The following ATG3 variants were observed in gnomAD, a reference collection of about 807,000 sequenced individuals.
ATG3 encodes the protein autophagy related 3, also known as ubiquitin-like-conjugating enzyme ATG3.
Under a neutral mutation model 50.7 loss-of-function variants are expected in ATG3, and 25 were observed. The ratio of observed to expected loss-of-function variants is 0.49; its 90% CI spans 0.36 to 0.69. The LOEUF (loss-of-function observed/expected upper bound fraction) is 0.69, where lower values mean the gene tolerates loss of function less well. ATG3 is among the 30% of genes least tolerant of loss of function. The pLI is 0.00. For missense variants in ATG3, 281 were observed against 376.0 expected (o/e 0.75, Z 2.09); for synonymous variants, 119 against 125.5 (o/e 0.95, Z 0.34).
chr3:112,551,255 A>T (rs1420336024), intron 3 of ATG3, among the ~76,000 whole-genome samples: 1 of 152,220 alleles, frequency 6.6e-6, no homozygotes, highest in African/African-American at 2.4e-5. Flanking sequence ...AAATGCCCTA[A>T]TATTATTTGA....
In ATG3 at chr3:112,548,445, T is replaced by A; in HGVS notation, c.343+88A>T. 1.5e-5 allele frequency: 17 copies of A among 1,143,542 alleles called. No individual in the cohort carries two copies. In the South Asian group the frequency reaches 2.2e-4, roughly 15 times the overall value. The allele number at this position is 1,143,542 out of a possible 1,614,324, so 70.8% of individuals were successfully genotyped here. ...TATTGGGACAAAACTATGCCTTATG[T>A]ATCCTCTTTTTTAAATCAAGGCTAT... On this transcript the variant is annotated intron_variant, in intron 5 of 11. Coordinates refer to ENST00000283290, the MANE Select transcript of ATG3 (RefSeq NM_022488.5).
intron 5 of ATG3, among the ~76,000 whole-genome samples, chr3:112,544,852 T>C (rs1348521701): frequency 1.3e-5 from 2 of 152,098 alleles, no homozygotes; most frequent in African/African-American, 4.8e-5. Context: ...CATAAATACT[T>C]ACTGGTCAAG....
At chr3:112,551,310 A>T (rs1933519754) in intron 3 of ATG3, among the ~76,000 whole-genome samples, 1 of 152,212 alleles carries the variant, frequency 6.6e-6, no homozygotes, top group Non-Finnish European at 1.5e-5. Flanking sequence ...GTCAAATTCA[A>T]CAATGTCATG....
chr3:112,544,501 A>G (rs993380173), intron 5 of ATG3, among the ~76,000 whole-genome samples: 16 of 152,036 alleles, frequency 1.1e-4, no homozygotes, highest in South Asian at 6.2e-4. Flanking sequence ...TAAAAATACA[A>G]AAGTTAGCTC....
At chr3:112,560,341 T>C (rs1277478479) in intron 1 of ATG3, among the ~76,000 whole-genome samples, 2 of 152,242 alleles carry the variant, frequency 1.3e-5, no homozygotes, top group South Asian at 4.1e-4. Flanking sequence ...AGTAAACAAA[T>C]GTAAGCAAAG....
At chr3:112,533,021 T>C (rs2082567213) in intron 11 of ATG3, 4 of 1,138,824 alleles carry the variant, frequency 3.5e-6, no homozygotes, top group African/African-American at 1.6e-5. Flanking sequence ...TAGGTGTTCA[T>C]ATAAGCACAA....
rs560922615 is a variant in ATG3 at position 112,549,062 on chromosome 3, C to T, written c.236-422G>A. On this transcript the variant is annotated intron_variant, in intron 4 of 11. Coordinates refer to ENST00000283290, the MANE Select transcript of ATG3 (RefSeq NM_022488.5). ...GGTGGTAAAGGTGAACTCTTGTTTTCAAGGCTAAAGTAACTTTCAATATAA... is the reference window on the plus strand; with the variant it reads ...GGTGGTAAAGGTGAACTCTTGTTTTTAAGGCTAAAGTAACTTTCAATATAA... Among the ~76,000 whole-genome samples, 4 of 152,310 alleles carry T rather than the reference C, an allele frequency of 2.6e-5. No homozygotes were observed. In the South Asian group the frequency reaches 8.3e-4, roughly 32 times the overall value.
At chr3:112,548,886 C>G (rs1933447744) in intron 4 of ATG3, among the ~76,000 whole-genome samples, 1 of 152,194 alleles carries the variant, frequency 6.6e-6, no homozygotes, top group Non-Finnish European at 1.5e-5. Flanking sequence ...TGGGAATGTT[C>G]TATGCATTCC....
At chr3:112,545,588 A>G (rs752125798) in intron 5 of ATG3, among the ~76,000 whole-genome samples, 8 of 152,256 alleles carry the variant, frequency 5.3e-5, no homozygotes, top group Non-Finnish European at 1.0e-4. Flanking sequence ...AAATTACTAT[A>G]TAATAGGTAT....
At chr3:112,554,520 T>A (rs375994835) in intron 2 of ATG3, among the ~76,000 whole-genome samples, 1 of 152,190 alleles carries the variant, frequency 6.6e-6, no homozygotes, top group African/African-American at 2.4e-5. Flanking sequence ...AATCTCACCA[T>A]CCTTTGCTCT....
At chr3:112,546,994 G>T (rs1342147634) in intron 5 of ATG3, among the ~76,000 whole-genome samples, 2 of 152,316 alleles carry the variant, frequency 1.3e-5, no homozygotes, top group African/African-American at 2.4e-5. Context: ...AACTCCATAA[G>T]GAAAGAGATG....
At chr3:112,547,975 C>T (rs553887051) in intron 5 of ATG3, among the ~76,000 whole-genome samples, 20 of 152,280 alleles carry the variant, frequency 1.3e-4, no homozygotes, top group East Asian at 7.7e-4. Flanking sequence ...GCATCTCTGA[C>T]GGTCTTTTTT....
chr3:112,538,269 C>A (rs1427012905), intron 7 of ATG3, 89 bp from the exon 8 acceptor site: 24 of 1,028,076 alleles, frequency 2.3e-5, no homozygotes, highest in South Asian at 4.9e-5. Context: ...TAGTATCATT[C>A]AAAAACTGGG....
At chr3:112,556,276 G>C (rs569512729) in intron 2 of ATG3, among the ~76,000 whole-genome samples, 10 of 152,354 alleles carry the variant, frequency 6.6e-5, no homozygotes, top group African/African-American at 2.2e-4. Context: ...CGTCCCGTCC[G>C]GGAGGTGAGG....
chr3:112,539,813 C>CT (rs1392015393), intron 7 of ATG3, among the ~76,000 whole-genome samples: 1 of 152,174 alleles, frequency 6.6e-6, no homozygotes, highest in Non-Finnish European at 1.5e-5. Flanking sequence ...TTCTTTAACT[C>CT]TATCTAGGGG....
At chr3:112,540,623 A>C (rs1171012370) in intron 7 of ATG3, among the ~76,000 whole-genome samples, 1 of 151,060 alleles carries the variant, frequency 6.6e-6, no homozygotes, top group African/African-American at 2.5e-5. Flanking sequence ...ACAGAGAGTA[A>C]GCAAGGGGAA....
At chr3:112,536,275 T>G in intron 10 of ATG3, 200 bp downstream of exon 10, 1 of 580,488 alleles carries the variant, frequency 1.7e-6, no homozygotes. Flanking sequence ...ATATTAAACT[T>G]AAAACAAATT....
intron 5 of ATG3, among the ~76,000 whole-genome samples, chr3:112,544,658 G>GAAGAAAAAAAAAAAAA (rs1553738121): frequency 1.6e-5 from 1 of 64,100 alleles, no homozygotes; most frequent in Non-Finnish European, 3.5e-5. Context: ...CCGTCTCAGG[G>GAAGAAAAAAAAAAAAA]AAAAAAAAAA....
intron 1 of ATG3, among the ~76,000 whole-genome samples, 155 bp downstream of exon 1, chr3:112,561,302 G>A (rs1172752371): frequency 1.3e-5 from 2 of 152,126 alleles, no homozygotes; most frequent in Non-Finnish European, 2.9e-5. Flanking sequence ...AGCCGGTTAA[G>A]ACTACGGGTG....
Sources: allele counts gnomAD v4.1 joint callset (sites outside exome capture counted in the v4.1 genomes callset), GRCh38; gene constraint gnomAD v4.1.1; transcripts MANE v1.5; gene names NCBI Gene and HGNC (gene_info 2026-07-23, HGNC 2026-07-21).